Variants in KCTD16 observed in about 807,000 individuals in gnomAD.
KCTD16 encodes BTB/POZ domain-containing protein KCTD16.
Under a neutral mutation model 33.2 loss-of-function variants are expected in KCTD16, and 13 were observed. The observed-to-expected ratio is 0.39, with a 90% CI of 0.25 to 0.62. The LOEUF (loss-of-function observed/expected upper bound fraction) is 0.62, where lower values mean the gene tolerates loss of function less well. KCTD16 is among the 20% of genes least tolerant of loss of function. KCTD16 has a pLI of 0.50. For missense variants in KCTD16, 441 were observed against 525.1 expected (o/e 0.84, Z 1.57); for synonymous variants, 197 against 195.3 (o/e 1.01, Z -0.07).
At chr5:144,190,921 TCA>T (rs1752827800) in intron 2 of KCTD16, among the ~76,000 whole-genome samples, 1 of 152,162 alleles carries the variant, frequency 6.6e-6, no homozygotes, top group Admixed American at 6.5e-5. Flanking sequence ...GAATGGGCAC[TCA>T]CAGACACACA....
chr5:144,361,283 A>T (rs1259504641), intron 3 of KCTD16, among the ~76,000 whole-genome samples: 3 of 152,168 alleles, frequency 2.0e-5, no homozygotes, highest in Admixed American at 1.3e-4. Flanking sequence ...GTGTATACCT[A>T]GTAATGGGAT....
intron 3 of KCTD16, among the ~76,000 whole-genome samples, chr5:144,368,675 C>T (rs1269781485): frequency 6.6e-6 from 1 of 152,122 alleles, no homozygotes; most frequent in African/African-American, 2.4e-5. Flanking sequence ...GGAGTTCTGA[C>T]CCATGCAAAC....
chr5:144,229,601 G>A (rs1360845365), intron 3 of KCTD16, among the ~76,000 whole-genome samples: 2 of 152,138 alleles, frequency 1.3e-5, no homozygotes, highest in Non-Finnish European at 2.9e-5. Context: ...AGAGAGAAAA[G>A]CTGAGGCTAA....
In KCTD16 at chr5:144,207,520, C is replaced by A; in HGVS notation, c.806C>A (p.Ser269Ter). 1 of 1,613,408 alleles carries A rather than the reference C, an allele frequency of 6.2e-7. No individual in the cohort carries two copies. The highest frequency in any genetic ancestry group is 1.1e-5 in the South Asian group (1 of 91,018). The stretch of plus-strand genomic sequence containing the variant: ...CAATATACAGATGACAAGATCTGGT[C>A]AAGCTACACTGAATATGTCTTCTAC... ...INQYTDDKIWSSYTEYVFYRE... is the reference protein window; with the variant it reads ...INQYTDDKIW The change falls in exon 3 of 4, where the codon TCA becomes TAA. Residue 269 changes from serine to a stop codon, truncating the protein, a stop_gained. Transcript: ENST00000512467. LOFTEE classifies it high-confidence loss of function.
At position 144,472,993 on chromosome 5, in the gene KCTD16, T is replaced by G. The variant is rs80271392; in HGVS notation, c.833-667T>G. ...AATTGTACAAACTCTGGCAAGTTTC[T>G]CAAACTCTTAGGGTCTTAGTTTCCT... On this transcript the variant is annotated intron_variant, in intron 3 of 3. Coordinates refer to ENST00000512467, the MANE Select transcript of KCTD16 (RefSeq NM_020768.4). 5.3e-3 allele frequency among the ~76,000 whole-genome samples: 803 copies of G among 152,324 alleles called. 7 individuals are homozygous for G. The highest frequency in any genetic ancestry group is 0.018 in the African/African-American group (769 of 41,574).
At chr5:144,223,767 C>A (rs771287297) in intron 3 of KCTD16, among the ~76,000 whole-genome samples, 2 of 151,908 alleles carry the variant, frequency 1.3e-5, no homozygotes, top group African/African-American at 2.4e-5. Flanking sequence ...TTCCTGACTT[C>A]GAGTTGCTAG....
At chr5:144,268,803 T>G (rs1458849364) in intron 3 of KCTD16, among the ~76,000 whole-genome samples, 1 of 152,128 alleles carries the variant, frequency 6.6e-6, no homozygotes, top group Non-Finnish European at 1.5e-5. Flanking sequence ...TAAAACTACT[T>G]TCTTAAAAAT....
At chr5:144,276,314 A>G (rs1368096578) in intron 3 of KCTD16, among the ~76,000 whole-genome samples, 1 of 152,140 alleles carries the variant, frequency 6.6e-6, no homozygotes, top group African/African-American at 2.4e-5. Context: ...TAATGTTTAT[A>G]GCTTTAGTTC....
intron 3 of KCTD16, among the ~76,000 whole-genome samples, chr5:144,239,982 G>A (rs1166055429): frequency 6.6e-6 from 1 of 152,084 alleles, no homozygotes; most frequent in Non-Finnish European, 1.5e-5. Context: ...TAAGTGCTTT[G>A]TATATGCCAG....
intron 3 of KCTD16, among the ~76,000 whole-genome samples, chr5:144,313,402 C>G (rs1226987660): frequency 2.6e-5 from 4 of 152,116 alleles, no homozygotes; most frequent in Non-Finnish European, 4.4e-5. Flanking sequence ...TTCACTGTGA[C>G]CAGACATCTT....
At chr5:144,434,398 T>C (rs544907317) in intron 3 of KCTD16, among the ~76,000 whole-genome samples, 13 of 152,190 alleles carry the variant, frequency 8.5e-5, no homozygotes, top group Admixed American at 7.9e-4. Context: ...TTCATAGACA[T>C]CATAATATTC....
intron 3 of KCTD16, among the ~76,000 whole-genome samples, chr5:144,266,158 TA>T (rs887315513): frequency 6.6e-6 from 1 of 152,182 alleles, no homozygotes; most frequent in Non-Finnish European, 1.5e-5. Flanking sequence ...AGGCTATGGT[TA>T]AAAAACAACA....
chr5:144,289,339 C>A (rs1755832814), intron 3 of KCTD16, among the ~76,000 whole-genome samples: 1 of 152,170 alleles, frequency 6.6e-6, no homozygotes, highest in South Asian at 2.1e-4. Context: ...AGCTCAAATA[C>A]CTGCCTTCTA....
Position 144,476,778 on chromosome 5 carries a change from G to A in KCTD16, c.*2664G>A, listed in dbSNP as rs1369250143. The A allele has an allele frequency of 1.3e-5, 2 of 152,170 alleles. No homozygotes were observed. The highest frequency in any genetic ancestry group is 4.8e-5 in the African/African-American group (2 of 41,442). The allele number at this position is 152,170 out of a possible 1,614,324, so 9.4% of individuals were successfully genotyped here. ...AACACTGGAAATGAGTTCTGGGTAAGTGAGTTATAAGAGTACATGCTCTAG... is the reference window on the plus strand; with the variant it reads ...AACACTGGAAATGAGTTCTGGGTAAATGAGTTATAAGAGTACATGCTCTAG... On this transcript the variant is annotated 3_prime_UTR_variant, in exon 4 of 4. Transcript: ENST00000512467.
chr5:144,180,945 T>C (rs978918031), intron 2 of KCTD16, among the ~76,000 whole-genome samples: 2 of 151,970 alleles, frequency 1.3e-5, no homozygotes, highest in Non-Finnish European at 2.9e-5. Context: ...TTCTTTTTTT[T>C]TTTTTGAGAC....
At chr5:144,209,937 A>T (rs1043491960) in intron 3 of KCTD16, among the ~76,000 whole-genome samples, 2 of 149,444 alleles carry the variant, frequency 1.3e-5, no homozygotes, top group Admixed American at 6.7e-5. Flanking sequence ...AGCTCCTTAG[A>T]TCTAAGGAAT....
intron 3 of KCTD16, among the ~76,000 whole-genome samples, chr5:144,320,722 T>C (rs1486751713): frequency 6.6e-6 from 1 of 151,988 alleles, no homozygotes; most frequent in Admixed American, 6.6e-5. Flanking sequence ...TTAGTGACAG[T>C]CTTAAAAGCT....
chr5:144,279,994 G>C (rs545688549), intron 3 of KCTD16, among the ~76,000 whole-genome samples: 18 of 152,214 alleles, frequency 1.2e-4, no homozygotes, highest in African/African-American at 4.3e-4. Flanking sequence ...TAATGGATCT[G>C]CCCTGCATTC....
At chr5:144,366,622 G>A (rs1580905840) in intron 3 of KCTD16, among the ~76,000 whole-genome samples, 1 of 152,072 alleles carries the variant, frequency 6.6e-6, no homozygotes, top group African/African-American at 2.4e-5. Context: ...CCTCTTCTAC[G>A]GAGCCCTGAG....
Sources: allele counts gnomAD v4.1 joint callset (sites outside exome capture counted in the v4.1 genomes callset), GRCh38; gene constraint gnomAD v4.1.1; transcripts MANE v1.5; gene names NCBI Gene and HGNC (gene_info 2026-07-23, HGNC 2026-07-21).